PON2: variants seen among roughly 807,000 people sequenced by gnomAD.
PON2 encodes the protein paraoxonase 2, also known as serum paraoxonase/arylesterase 2.
A neutral mutation model predicts 36.6 loss-of-function variants in PON2; 27 were observed. That is an observed-to-expected ratio of 0.74 (90% CI 0.54 to 1.02). The LOEUF (loss-of-function observed/expected upper bound fraction) is 1.02, where lower values mean the gene tolerates loss of function less well. Ranked by LOEUF, PON2 falls within the 50% of genes least tolerant of loss-of-function variation. The pLI, the probability that PON2 is intolerant of heterozygous loss-of-function variation, is 0.00. For synonymous variants in PON2, 149 were observed against 156.3 expected (o/e 0.95, Z 0.35); for missense variants, 363 against 421.1 (o/e 0.86, Z 1.21).
chr7:95,434,583 G>A (rs754787127), intron 1 of PON2, among the ~76,000 whole-genome samples: 1 of 152,364 alleles, frequency 6.6e-6, no homozygotes, highest in South Asian at 2.1e-4. Flanking sequence ...TAATTGCAAA[G>A]CATTCTCTTG....
At chr7:95,412,546 T>C in intron 3 of PON2, 69 bp from the exon 4 acceptor site, 2 of 1,477,344 alleles carry the variant, frequency 1.4e-6, no homozygotes, top group Non-Finnish European at 1.9e-6. Context: ...ATGGGAACTG[T>C]ACATGAAGGA....
intron 2 of PON2, among the ~76,000 whole-genome samples, chr7:95,417,325 A>G (rs1008861061): frequency 7.2e-5 from 11 of 152,160 alleles, no homozygotes; most frequent in African/African-American, 2.7e-4. Context: ...AGAACTTCAC[A>G]TTGTAAAGAT....
In PON2 at chr7:95,434,898, G is replaced by C; in HGVS notation, c.54C>G (p.Gly18=). ...GLLGIALALL[G]ERLLALRNRL... ...CCTACCTGAGTGCCAGAAGCCTCTC[G>C]CCCAGGAGCGCCAGCGCGATCCCCA... The change falls in exon 1 of 9, where the codon GGC becomes GGG. Residue 18 remains glycine, a synonymous_variant. Coordinates refer to ENST00000222572, the MANE Select transcript of PON2 (RefSeq NM_000305.3). 1 of 1,539,934 alleles carries C rather than the reference G, an allele frequency of 6.5e-7. No individual in the cohort carries two copies. The highest frequency in any genetic ancestry group is 8.7e-7 in the Non-Finnish European group (1 of 1,145,154).
At chr7:95,414,641 T>C (rs1459776350) in intron 3 of PON2, among the ~76,000 whole-genome samples, 1 of 152,018 alleles carries the variant, frequency 6.6e-6, no homozygotes, top group Non-Finnish European at 1.5e-5. Context: ...AAAACACAAA[T>C]AAACAAATAA....
chr7:95,432,388 G>A (rs1280131154), intron 1 of PON2, among the ~76,000 whole-genome samples: 2 of 152,080 alleles, frequency 1.3e-5, no homozygotes, highest in Non-Finnish European at 2.9e-5. Flanking sequence ...TGGCTTGGGC[G>A]GCAGAGCAAG....
In PON2 at chr7:95,424,528, C is replaced by G. The variant is rs11545943; in HGVS notation, c.132G>C (p.Leu44=). 88 of 1,612,480 alleles carry G rather than the reference C, an allele frequency of 5.5e-5. No homozygotes were observed. The highest frequency in any genetic ancestry group is 8.8e-5 in the South Asian group (8 of 91,056). ...TCATATACATACCAATTCCTTTAATCAGGTGGCAGTGTGGAAGGTCTACAG... is the reference window on the plus strand; with the variant it reads ...TCATATACATACCAATTCCTTTAATGAGGTGGCAGTGTGGAAGGTCTACAG... ...VESVDLPHCH[L]IKGIEAGSED... The change falls in exon 2 of 9, where the codon CTG becomes CTC. Residue 44 remains leucine (L), a synonymous_variant. Transcript: ENST00000222572.
At chr7:95,432,481 A>G (rs1789465828) in intron 1 of PON2, among the ~76,000 whole-genome samples, 1 of 152,228 alleles carries the variant, frequency 6.6e-6, no homozygotes, top group African/African-American at 2.4e-5. Flanking sequence ...CATTCTGTCA[A>G]TAAGTTTTAT....
intron 3 of PON2, among the ~76,000 whole-genome samples, chr7:95,414,679 T>C (rs748959450): frequency 6.6e-6 from 1 of 152,196 alleles, no homozygotes; most frequent in Non-Finnish European, 1.5e-5. Context: ...CCTTCTACTT[T>C]ATTCAGAATG....
rs1430600367 is a variant in PON2 at position 95,424,527 on chromosome 7, T to C, written c.133A>G (p.Ile45Val). ...TTCATATACATACCAATTCCTTTAA[T>C]CAGGTGGCAGTGTGGAAGGTCTACA... ...ESVDLPHCHL[I>V]KGIEAGSEDI... is the part of the protein sequence containing the mutation. Residue 45 changes from isoleucine (I) to valine (V), a missense_variant, in exon 2 of 9, where the codon ATT (isoleucine) becomes GTT (valine). By Grantham distance (29) the Ile-to-Val change is conservative (BLOSUM62 3). Coordinates refer to ENST00000222572, the MANE Select transcript of PON2 (RefSeq NM_000305.3). The C allele has an allele frequency of 6.2e-7, 1 of 1,612,678 alleles. No homozygotes were observed. Among genetic ancestry groups the C allele is most frequent in the Admixed American group, 1.7e-5 (1 of 59,994 alleles).
chr7:95,433,885 C>G (rs992451897), intron 1 of PON2, among the ~76,000 whole-genome samples: 14 of 152,182 alleles, frequency 9.2e-5, no homozygotes, highest in Non-Finnish European at 1.9e-4. Context: ...TAAGCCTATG[C>G]GGTTCATTTG....
chr7:95,423,374 ATT>A, intron 2 of PON2, among the ~76,000 whole-genome samples: 1 of 151,806 alleles, frequency 6.6e-6, no homozygotes, highest in Non-Finnish European at 1.5e-5. Flanking sequence ...GCCAATATTT[ATT>A]GTTCATTGAT....
At chr7:95,409,862 A>G (rs368809592) in intron 6 of PON2, 39 bp downstream of exon 6, 1 of 1,595,410 alleles carries the variant, frequency 6.3e-7, no homozygotes. Context: ...CCAGCACCAC[A>G]ACTGAAGAAA....
At chr7:95,427,629 T>C (rs934460486) in intron 1 of PON2, among the ~76,000 whole-genome samples, 1 of 152,160 alleles carries the variant, frequency 6.6e-6, no homozygotes, top group Non-Finnish European at 1.5e-5. Context: ...TGAAAATATA[T>C]GAAGAACCCA....
chr7:95,423,899 G>C (rs17876094), intron 2 of PON2, among the ~76,000 whole-genome samples: 31,508 of 151,960 alleles, frequency 0.21, 4,290 homozygotes, highest in East Asian at 0.65. Flanking sequence ...CCGAGCAAAA[G>C]GGGGAAAAGC....
intron 1 of PON2, among the ~76,000 whole-genome samples, chr7:95,429,542 A>G (rs1432630544): frequency 1.3e-5 from 2 of 152,190 alleles, no homozygotes; most frequent in Admixed American, 1.3e-4. Context: ...TTCATTCAGG[A>G]AACAGCAGTA....
Position 95,411,576 on chromosome 7 carries a change from A to G in PON2, c.494+77T>C. 4 of 1,557,870 alleles carry G rather than the reference A, an allele frequency of 2.6e-6. No homozygotes were observed. In the Admixed American group the frequency reaches 5.0e-5, roughly 20 times the overall value. On this transcript the variant is annotated intron_variant, in intron 5 of 8. Transcript: ENST00000222572. ...ATATATACATTAGCGCTTATAAAAG[A>G]TGACAGGACAACCCACCATAGGGAT...
At chr7:95,430,014 T>C (rs1250529148) in intron 1 of PON2, among the ~76,000 whole-genome samples, 4 of 152,206 alleles carry the variant, frequency 2.6e-5, no homozygotes. Context: ...TATTATTCAA[T>C]ATTTATATTA....
At chr7:95,426,287 G>A (rs17876078) in intron 1 of PON2, among the ~76,000 whole-genome samples, 2,473 of 152,214 alleles carry the variant, frequency 0.016, 65 homozygotes, top group African/African-American at 0.057. Flanking sequence ...AAAAGTTTAT[G>A]TAGCCTAATG....
Position 95,406,232 on chromosome 7 carries a change from T to C in PON2, c.793A>G (p.Thr265Ala), listed in dbSNP as rs778796929. The C allele has an allele frequency of 6.2e-7, 1 of 1,611,332 alleles. No individual in the cohort carries two copies. Residue 265 changes from threonine to alanine, a missense_variant, in exon 8 of 9, where the codon ACA (threonine) becomes GCA (alanine). Coordinates refer to ENST00000222572, the MANE Select transcript of PON2 (RefSeq NM_000305.3). The part of the protein sequence containing the change: ...LTQLKVLELD[T>A]LVDNLSIDPS... ...TCAATAGATAAATTATCCACCAGTGTATCCAGCTCAAGTACCTTCCAAATG... is the reference window on the plus strand; with the variant it reads ...TCAATAGATAAATTATCCACCAGTGCATCCAGCTCAAGTACCTTCCAAATG...
Sources: allele counts gnomAD v4.1 joint callset (sites outside exome capture counted in the v4.1 genomes callset), GRCh38; gene constraint gnomAD v4.1.1; transcripts MANE v1.5; gene names NCBI Gene and HGNC (gene_info 2026-07-23, HGNC 2026-07-21).